SAG: variants seen among roughly 807,000 people sequenced by gnomAD.
SAG encodes S-arrestin.
A neutral mutation model predicts 55.0 loss-of-function variants in SAG; 45 were observed. The ratio of observed to expected loss-of-function variants is 0.82; its 90% CI spans 0.64 to 1.05. The LOEUF (loss-of-function observed/expected upper bound fraction) is 1.05. Among genes scored for constraint, SAG ranks in the 50% least tolerant of loss-of-function variants. The probability of loss-of-function intolerance (pLI) is 0.00; values close to 1 mark genes in which losing one functional copy is unlikely to be tolerated. For missense variants in SAG, 455 were observed against 512.1 expected (o/e 0.89, Z 1.08); for synonymous variants, 189 against 197.4 (o/e 0.96, Z 0.36).
chr2:233,329,885 G>A (rs1418252312), intron 9 of SAG, among the ~76,000 whole-genome samples: 1 of 152,262 alleles, frequency 6.6e-6, no homozygotes, highest in Non-Finnish European at 1.5e-5. Flanking sequence ...GCAGCACATT[G>A]TTGTGGGTGA....
chr2:233,332,152 ATC>A, intron 10 of SAG: 1 of 203,480 alleles, frequency 4.9e-6, no homozygotes, highest in Non-Finnish European at 1.0e-5. Context: ...ATTAGAATAT[ATC>A]TGTTCTTAGC....
chr2:233,309,184 G>T lies in SAG; in HGVS notation c.-6G>T. The T allele has an allele frequency of 1.9e-6, 3 of 1,613,168 alleles. No homozygotes were observed. The highest frequency in any genetic ancestry group is 3.3e-4 in the Middle Eastern group (2 of 6,058). ...AAGGTGGTAGAAGTTGCCAGGGACA[G>T]ATAACATGGCAGCCAGCGGGAAGAC... On this transcript the variant is annotated 5_prime_UTR_variant, in exon 2 of 16. Transcript: ENST00000409110.
At chr2:233,325,638 T>C (rs1700528394) in intron 6 of SAG, among the ~76,000 whole-genome samples, 1 of 152,178 alleles carries the variant, frequency 6.6e-6, no homozygotes, top group Non-Finnish European at 1.5e-5. Context: ...CTTATAGTGC[T>C]CTATAAGAGA....
At position 233,346,408 on chromosome 2, in the gene SAG, G is replaced by A. The variant is rs569235648; in HGVS notation, c.1108G>A (p.Glu370Lys). Residue 370 changes from glutamate (E) to lysine (K), a missense_variant, in exon 15 of 16, where the codon GAA becomes AAA. Glu to Lys is a moderately conservative substitution (Grantham distance 56). Coordinates refer to ENST00000409110, the MANE Select transcript of SAG (RefSeq NM_000541.5). ...CTTTTATTCCATGCTTACAGCTAAG[G>A]AAAGGTGAGTGAGCCTCTTGAATGT... ...MHPQPEDPAK[E>K]SYQDANLVFE... 5.0e-6 allele frequency: 8 copies of A among 1,613,814 alleles called. No individual in the cohort carries two copies. The highest frequency in any genetic ancestry group is 4.0e-5 in the African/African-American group (3 of 75,004).
intron 14 of SAG, chr2:233,343,771 T>C: frequency 9.6e-7 from 1 of 1,039,998 alleles, no homozygotes; most frequent in Non-Finnish European, 1.2e-6. Flanking sequence ...GAATAAGGGA[T>C]ATTTTAAGTA....
At position 233,346,789 on chromosome 2, in the gene SAG, T is replaced by G. The variant is rs2125357040; in HGVS notation, c.1113-18T>G. 1.3e-6 allele frequency: 2 copies of G among 1,501,164 alleles called. No individual in the cohort carries two copies. The highest frequency in any genetic ancestry group is 1.8e-6 in the Non-Finnish European group (2 of 1,082,358). 93.0% of individuals were successfully genotyped at this position (1,501,164 alleles called of 1,614,324 possible). A position where few individuals can be genotyped will look rare whatever the true frequency, so the allele number is the denominator to read the frequency against. On this transcript the variant is annotated intron_variant, in intron 15 of 15. Transcript: ENST00000409110. ...CAAAGGGCGTGCAATGATCAAAATG[T>G]TGTTTGTTTTATTTTAGTTATCAGG... is the stretch of plus-strand genomic sequence containing the variant.
chr2:233,346,791 G>A lies in SAG; in HGVS notation c.1113-16G>A. 1.3e-6 allele frequency: 2 copies of A among 1,534,414 alleles called. No individual in the cohort carries two copies. Among genetic ancestry groups the A allele is most frequent in the South Asian group, 1.1e-5 (1 of 87,576 alleles). ...AAGGGCGTGCAATGATCAAAATGTT[G>A]TTTGTTTTATTTTAGTTATCAGGAT... On this transcript the variant is annotated splice_polypyrimidine_tract_variant and intron_variant, in intron 15 of 15. Transcript: ENST00000409110.
chr2:233,339,278 G>A (rs2241873), intron 12 of SAG, among the ~76,000 whole-genome samples: 94,405 of 152,072 alleles, frequency 0.62, 29,743 homozygotes, highest in South Asian at 0.71. Flanking sequence ...TGTGAAGCCA[G>A]TTTCTTCCAT....
chr2:233,341,052 G>A (rs1701085190), intron 13 of SAG, among the ~76,000 whole-genome samples: 1 of 152,164 alleles, frequency 6.6e-6, no homozygotes, highest in South Asian at 2.1e-4. Flanking sequence ...GACCTCCAGT[G>A]ATGATCCTGC....
At chr2:233,321,333 G>A (rs1042612977) in intron 5 of SAG, among the ~76,000 whole-genome samples, 4 of 152,202 alleles carry the variant, frequency 2.6e-5, no homozygotes, top group Non-Finnish European at 5.9e-5. Flanking sequence ...AGTCTTGGGC[G>A]TGAGCTCAAT....
At chr2:233,323,680 T>C (rs1340391740) in intron 6 of SAG, among the ~76,000 whole-genome samples, 1 of 152,170 alleles carries the variant, frequency 6.6e-6, no homozygotes, top group Non-Finnish European at 1.5e-5. Flanking sequence ...CTTTTAAAGA[T>C]AGCTTTTTTT....
chr2:233,325,110 C>T (rs1700508129), intron 6 of SAG, among the ~76,000 whole-genome samples: 1 of 151,768 alleles, frequency 6.6e-6, no homozygotes, highest in African/African-American at 2.4e-5. Context: ...CCTGTAATCC[C>T]AGCCAATTGC....
At chr2:233,342,445 A>T in intron 14 of SAG, 119 bp downstream of exon 14, 1 of 793,168 alleles carries the variant, frequency 1.3e-6, no homozygotes, top group East Asian at 2.7e-5. Flanking sequence ...GGTGTAAGAG[A>T]TTCCATGTGA....
chr2:233,315,281 C>CTTTTTTT (rs5839476), intron 2 of SAG, among the ~76,000 whole-genome samples: 1 of 69,392 alleles, frequency 1.4e-5, no homozygotes, highest in Non-Finnish European at 2.9e-5. Flanking sequence ...TCCAGAAGTT[C>CTTTTTTT]TTTTTTTTTT....
chr2:233,309,255 G>A lies in SAG; in HGVS notation c.66G>A (p.Arg22=), dbSNP rs751346191. Residue 22 remains arginine, a synonymous_variant, in exon 2 of 16, where the codon CGG becomes CGA. Transcript: ENST00000409110. ...ATGTTATCTTCAAGAAGATCTCCCGGGACAAATCGGTGAGTGGTGCACAAG... is the reference window on the plus strand; with the variant it reads ...ATGTTATCTTCAAGAAGATCTCCCGAGACAAATCGGTGAGTGGTGCACAAG... ...PNHVIFKKIS[R]DKSVTIYLGN... The A allele has an allele frequency of 7.4e-6, 12 of 1,613,310 alleles. No individual in the cohort carries two copies. Among genetic ancestry groups the A allele is most frequent in the Admixed American group, 6.7e-5 (4 of 59,986 alleles).
chr2:233,312,009 C>A (rs1700087577), intron 2 of SAG, among the ~76,000 whole-genome samples: 1 of 152,062 alleles, frequency 6.6e-6, no homozygotes, highest in African/African-American at 2.4e-5. Flanking sequence ...GCCTGTAATC[C>A]CAGCTACTCG....
chr2:233,324,259 G>T (rs1700477673), intron 6 of SAG, among the ~76,000 whole-genome samples: 1 of 152,304 alleles, frequency 6.6e-6, no homozygotes, highest in East Asian at 1.9e-4. Flanking sequence ...AGGATTGGTG[G>T]CACATGCCTG....
intron 5 of SAG, among the ~76,000 whole-genome samples, chr2:233,322,377 G>C (rs1700416001): frequency 6.6e-6 from 1 of 152,124 alleles, no homozygotes; most frequent in Admixed American, 6.6e-5. Context: ...ATTCAGAACT[G>C]TATTTTATGA....
intron 6 of SAG, among the ~76,000 whole-genome samples, chr2:233,323,813 C>T (rs368614963): frequency 2.0e-3 from 303 of 152,294 alleles, no homozygotes; most frequent in African/African-American, 6.6e-3. Context: ...CACAGAGTCC[C>T]AACCCCCATG....
Sources: allele counts gnomAD v4.1 joint callset (sites outside exome capture counted in the v4.1 genomes callset), GRCh38; gene constraint gnomAD v4.1.1; transcripts MANE v1.5; gene names NCBI Gene and HGNC (gene_info 2026-07-23, HGNC 2026-07-21).